Variants in CNDP2 observed in about 807,000 individuals in gnomAD.
CNDP2 encodes cytosolic non-specific dipeptidase.
In CNDP2, 38 loss-of-function variants were observed where a neutral mutation model predicts 55.0. The ratio of observed to expected loss-of-function variants is 0.69; its 90% CI spans 0.53 to 0.90. The LOEUF (loss-of-function observed/expected upper bound fraction) is 0.90. CNDP2 is among the 40% of genes least tolerant of loss of function. The pLI is 0.00. For missense variants in CNDP2, 607 were observed against 621.7 expected (o/e 0.98, Z 0.25); for synonymous variants, 241 against 260.2 (o/e 0.93, Z 0.71).
chr18:74,504,695 A>G (rs974840542), intron 3 of CNDP2: 1 of 152,256 alleles, frequency 6.6e-6, no homozygotes, highest in Non-Finnish European at 1.5e-5. Context: ...TTTTCTAGCA[A>G]CTAGACTAAT....
intron 5 of CNDP2, 121 bp downstream of exon 5, chr18:74,509,049 C>T: frequency 1.3e-6 from 1 of 784,298 alleles, no homozygotes; most frequent in Non-Finnish European, 2.1e-6. Context: ...CAAGCGTCCC[C>T]CAGCCCTTAT....
chr18:74,503,793 A>T lies in CNDP2; in HGVS notation c.205-2056A>T, dbSNP rs372627667. Among the ~76,000 whole-genome samples, 7 of 147,842 alleles carry T rather than the reference A, an allele frequency of 4.7e-5. No individual in the cohort carries two copies. In the East Asian group the frequency reaches 1.4e-3, roughly 29 times the overall value. On this transcript the variant is annotated intron_variant, in intron 3 of 11. Transcript: ENST00000324262. Reference sequence around the variant, plus strand: ...ACAAATGAGGGGCGTCAGGCCATACACTGCACACGCAGCCACAGTGCCGCT... The same window carrying T: ...ACAAATGAGGGGCGTCAGGCCATACTCTGCACACGCAGCCACAGTGCCGCT...
chr18:74,504,911 C>T (rs192720335), intron 3 of CNDP2: 1 of 152,238 alleles, frequency 6.6e-6, no homozygotes, highest in East Asian at 1.9e-4. Context: ...GACCACTGAC[C>T]TGATGTGAAA....
chr18:74,496,982 A>C (rs905924106), intron 1 of CNDP2, among the ~76,000 whole-genome samples: 1 of 152,210 alleles, frequency 6.6e-6, no homozygotes, highest in African/African-American at 2.4e-5. Context: ...TTAAGGCTAT[A>C]GGAGGAAGCG....
chr18:74,500,101 CAA>C, intron 2 of CNDP2, 68 bp downstream of exon 2: 2 of 1,335,568 alleles, frequency 1.5e-6, no homozygotes, highest in Non-Finnish European at 2.1e-6. Context: ...GAGAAGTTGT[CAA>C]GAGCTAATAT....
chr18:74,504,358 T>G (rs936369328), intron 3 of CNDP2, among the ~76,000 whole-genome samples: 2 of 152,198 alleles, frequency 1.3e-5, no homozygotes, highest in Admixed American at 1.3e-4. Context: ...ACACTGCCGC[T>G]GGGACAAATG....
chr18:74,522,191 A>G lies in CNDP2; in HGVS notation c.*2123A>G, dbSNP rs1266228418. 6.6e-6 allele frequency: 1 copy of G among 152,196 alleles called. No homozygotes were observed. The highest frequency in any genetic ancestry group is 2.4e-5 in the African/African-American group (1 of 41,448). 9.4% of individuals were successfully genotyped at this position (152,196 alleles called of 1,614,324 possible). On this transcript the variant is annotated 3_prime_UTR_variant, in exon 12 of 12. Coordinates refer to ENST00000324262, the MANE Select transcript of CNDP2 (RefSeq NM_018235.3). ...GCATCTTTTCTCTAAGTCTCCTGTCATTTCAAAGTAAAAACAAAAAAAGAA... is the reference window on the plus strand; with the variant it reads ...GCATCTTTTCTCTAAGTCTCCTGTCGTTTCAAAGTAAAAACAAAAAAAGAA...
At chr18:74,514,285 T>C (rs1233212205) in intron 8 of CNDP2, among the ~76,000 whole-genome samples, 1 of 151,732 alleles carries the variant, frequency 6.6e-6, no homozygotes, top group Non-Finnish European at 1.5e-5. Flanking sequence ...GGCTATAGGT[T>C]TATGTGGTAT....
Position 74,501,480 on chromosome 18 carries a change from G to A in CNDP2, c.204+8G>A, listed in dbSNP as rs766800939. The A allele has an allele frequency of 6.2e-7, 1 of 1,611,950 alleles. No homozygotes were observed. The highest frequency in any genetic ancestry group is 1.7e-5 in the Admixed American group (1 of 59,724). ...GATATCGGAAAACAAAAGGTAGGAG[G>A]CAACATTCTTTGCATTGCAGGACCG... On this transcript the variant is annotated splice_region_variant and intron_variant, in intron 3 of 11. Coordinates refer to ENST00000324262, the MANE Select transcript of CNDP2 (RefSeq NM_018235.3).
chr18:74,518,428 G>C (rs1051357342), intron 9 of CNDP2, 71 bp from the exon 10 acceptor site: 1 of 1,582,306 alleles, frequency 6.3e-7, no homozygotes. Flanking sequence ...TAGCAGACCC[G>C]TAGGTCACTA....
intron 7 of CNDP2, 134 bp from the exon 8 acceptor site, chr18:74,513,425 C>A: frequency 1.1e-6 from 1 of 918,332 alleles, no homozygotes; most frequent in East Asian, 2.8e-5. Context: ...CTCTTGGCCC[C>A]TCCTCAGCCA....
At chr18:74,500,144 G>A in intron 2 of CNDP2, 111 bp downstream of exon 2, 1 of 886,692 alleles carries the variant, frequency 1.1e-6, no homozygotes, top group Non-Finnish European at 1.8e-6. Flanking sequence ...AGGGTTAGAA[G>A]ATCTGCCTAG....
chr18:74,516,299 G>A lies in CNDP2; in HGVS notation c.975G>A (p.Gly325=). The A allele has an allele frequency of 6.2e-7, 1 of 1,614,148 alleles. No homozygotes were observed. The highest frequency in any genetic ancestry group is 8.5e-7 in the Non-Finnish European group (1 of 1,180,014). ...ATGGCATCGAAGGCGCCTTCTCTGG[G>A]TCTGGGGCCAAGACCGTGATTCCCA... ...SLHGIEGAFS[G]SGAKTVIPRK... is the part of the protein sequence containing the mutation. Residue 325 remains glycine (G), a synonymous_variant, in exon 9 of 12, where the codon GGG becomes GGA. Coordinates refer to ENST00000324262, the MANE Select transcript of CNDP2 (RefSeq NM_018235.3).
At position 74,513,645 on chromosome 18, in the gene CNDP2, T is replaced by C; in HGVS notation, c.829T>C (p.Tyr277His). Residue 277 changes from tyrosine (Y) to histidine (H), a missense_variant, in exon 8 of 12, where the codon TAC becomes CAC. By Grantham distance (83) the Tyr-to-His change is moderately conservative (BLOSUM62 2). Coordinates refer to ENST00000324262, the MANE Select transcript of CNDP2 (RefSeq NM_018235.3). ...AAVTEEEHKL[Y>H]DDIDFDIEEF... The stretch of plus-strand genomic sequence containing the variant: ...CGTCACGGAAGAGGAGCACAAGCTG[T>C]ACGACGACATCGACTTTGACATAGA... 6.2e-7 allele frequency: 1 copy of C among 1,614,144 alleles called. No homozygotes were observed. The highest frequency in any genetic ancestry group is 8.5e-7 in the Non-Finnish European group (1 of 1,180,024).
intron 1 of CNDP2, among the ~76,000 whole-genome samples, chr18:74,497,317 G>A (rs1978468100): frequency 6.6e-6 from 1 of 152,144 alleles, no homozygotes; most frequent in Admixed American, 6.5e-5. Context: ...TCTTTTATTG[G>A]TTCTTAATCA....
Position 74,518,998 on chromosome 18 carries a change from G to A in CNDP2, c.1260G>A (p.Val420=). The A allele has an allele frequency of 6.2e-7, 1 of 1,614,152 alleles. No individual in the cohort carries two copies. Among genetic ancestry groups the A allele is most frequent in the South Asian group, 1.1e-5 (1 of 91,080 alleles). ...DLTREGGSIP[V]TLTFQEATGK... is the part of the protein sequence containing the mutation. ...CCAGGGAAGGCGGCAGTATTCCCGT[G>A]ACCTTGACCTTTCAGGAGGCCACGG... The change falls in exon 11 of 12, where the codon GTG becomes GTA. Residue 420 remains valine (V), a synonymous_variant. Transcript: ENST00000324262.
At chr18:74,518,687 G>T in intron 10 of CNDP2, 47 bp downstream of exon 10, 2 of 1,611,474 alleles carry the variant, frequency 1.2e-6, no homozygotes, top group Non-Finnish European at 1.7e-6. Context: ...CCCTTCGCAC[G>T]TCTGACAGGA....
intron 7 of CNDP2, 48 bp downstream of exon 7, chr18:74,512,580 G>T: frequency 6.7e-7 from 1 of 1,501,974 alleles, no homozygotes; most frequent in South Asian, 1.1e-5. Flanking sequence ...AAGTGGATGG[G>T]CGTGACTTCC....
At chr18:74,501,670 A>G (rs1978709187) in intron 3 of CNDP2, among the ~76,000 whole-genome samples, 198 bp downstream of exon 3, 1 of 152,160 alleles carries the variant, frequency 6.6e-6, no homozygotes, top group African/African-American at 2.4e-5. Flanking sequence ...GTTTTGTGGC[A>G]CTCAGCATTT....
Sources: gnomAD v4.1 joint callset for allele counts (sites outside exome capture counted in the v4.1 genomes callset) on GRCh38, gnomAD v4.1.1 for gene constraint, MANE v1.5 for transcripts, NCBI Gene and HGNC (gene_info 2026-07-23, HGNC 2026-07-21) for gene names.